ZNF480: variants seen among roughly 807,000 people sequenced by gnomAD.
ZNF480 encodes zinc finger protein 480.
Under a neutral mutation model 14.4 loss-of-function variants are expected in ZNF480, and 15 were observed. The observed-to-expected ratio is 1.04, with a 90% CI of 0.70 to 1.60. The LOEUF is 1.60. Ranked by LOEUF, ZNF480 falls within the 40% of genes most tolerant of loss-of-function variation. ZNF480 has a pLI of 0.00. For synonymous variants in ZNF480, 218 were observed against 215.5 expected (o/e 1.01, Z -0.10); for missense variants, 593 against 629.7 (o/e 0.94, Z 0.62).
chr19:52,307,231 A>G (rs183739409), intron 2 of ZNF480, among the ~76,000 whole-genome samples: 5 of 152,276 alleles, frequency 3.3e-5, no homozygotes, highest in Admixed American at 2.0e-4. Context: ...ACCAGGGGCA[A>G]TATTTCTCTA....
At chr19:52,314,473 CAAAAAAA>C (rs34349660) in intron 3 of ZNF480, among the ~76,000 whole-genome samples, 194 bp downstream of exon 3, 24 of 66,208 alleles carry the variant, frequency 3.6e-4, no homozygotes, top group African/African-American at 9.7e-4. Context: ...AACTCCGTCC[CAAAAAAA>C]AAAAAAAAAA....
Position 52,321,571 on chromosome 19 carries a change from T to C in ZNF480, c.329-8T>C. 6.4e-7 allele frequency: 1 copy of C among 1,554,106 alleles called. No individual in the cohort carries two copies. Among genetic ancestry groups the C allele is most frequent in the Non-Finnish European group, 8.7e-7 (1 of 1,152,580 alleles). On this transcript the variant is annotated splice_region_variant and splice_polypyrimidine_tract_variant and intron_variant, in intron 4 of 4. Transcript: ENST00000595962. ...GGTCTGAATTTTACTTTTTTCTTGC[T>C]TTCCTAGGGAGCAGCTATGCATTGG...
chr19:52,308,992 G>A (rs562744358), intron 2 of ZNF480, among the ~76,000 whole-genome samples: 61 of 152,248 alleles, frequency 4.0e-4, no homozygotes, highest in Admixed American at 6.5e-4. Context: ...ATGGGAGGGA[G>A]CCTTCCACCC....
In ZNF480 at chr19:52,319,756, G is replaced by A. The variant is rs191323848; in HGVS notation, c.329-1823G>A. Among the ~76,000 whole-genome samples the A allele has an allele frequency of 9.0e-4, 134 of 148,390 alleles. 1 individual carries two copies. The highest frequency in any genetic ancestry group is 2.0e-3 in the African/African-American group (81 of 40,274). On this transcript the variant is annotated intron_variant, in intron 4 of 4. Coordinates refer to ENST00000595962, the MANE Select transcript of ZNF480 (RefSeq NM_144684.4). ...GAGAGCATCCGAAAAATGTATTAGC[G>A]TTTATTTGCTTTTCTTCTCTGTTTT...
intron 4 of ZNF480, among the ~76,000 whole-genome samples, chr19:52,321,153 CAGAGGGAGATCT>C (rs1983790598): frequency 2.6e-5 from 4 of 151,944 alleles, no homozygotes; most frequent in Admixed American, 6.6e-5. Flanking sequence ...AAGACTTGGT[CAGAGGGAGATCT>C]TTTCTAATTA....
chr19:52,298,215 G>C (rs72483956), intron 1 of ZNF480, among the ~76,000 whole-genome samples: 2,770 of 152,136 alleles, frequency 0.018, 36 homozygotes, highest in East Asian at 0.044. Context: ...TGGTGACAAC[G>C]AGAGCAGAGG....
Position 52,322,550 on chromosome 19 carries a change from A to T in ZNF480, c.1300A>T (p.Lys434Ter), listed in dbSNP as rs144359391. Residue 434 changes from lysine (K) to a stop codon, truncating the protein, a stop_gained, in exon 5 of 5, where the codon AAA (lysine) becomes TAA (stop). Transcript: ENST00000595962. LOFTEE classifies it low-confidence loss of function (END_TRUNC). The part of the protein sequence containing the change: ...EKPYKCNECG[K>*]AFSEYSGLSA... ...GCCTTACAAATGTAATGAATGTGGT[A>T]AAGCATTTAGTGAGTATTCAGGCCT... 11 of 1,614,060 alleles carry T rather than the reference A, an allele frequency of 6.8e-6. No individual in the cohort carries two copies. The highest frequency in any genetic ancestry group is 8.5e-6 in the Non-Finnish European group (10 of 1,180,022).
intron 2 of ZNF480, among the ~76,000 whole-genome samples, chr19:52,303,966 G>A (rs1834720825): frequency 6.6e-6 from 1 of 152,196 alleles, no homozygotes. Context: ...AAACTGGCAT[G>A]AGAAATCGAA....
chr19:52,317,134 C>T (rs1201082335), intron 4 of ZNF480, among the ~76,000 whole-genome samples: 2 of 152,052 alleles, frequency 1.3e-5, no homozygotes, highest in Non-Finnish European at 2.9e-5. Flanking sequence ...TCTCCTGCCT[C>T]AGCCTCCCAA....
rs540157455 is a variant in ZNF480 at position 52,308,938 on chromosome 19, A to G, written c.73-5215A>G. Among the ~76,000 whole-genome samples, 20 of 152,282 alleles carry G rather than the reference A, an allele frequency of 1.3e-4. No individual in the cohort carries two copies. The South Asian group carries it at 3.9e-3, about 30-fold the overall frequency. Reference sequence around the variant, plus strand: ...TACAGGTTAGGCCATCAAATACAAAACATTCCCTGTCCTAAATGTCTATGT... The same window carrying G: ...TACAGGTTAGGCCATCAAATACAAAGCATTCCCTGTCCTAAATGTCTATGT... On this transcript the variant is annotated intron_variant, in intron 2 of 4. Transcript: ENST00000595962.
intron 2 of ZNF480, among the ~76,000 whole-genome samples, chr19:52,305,696 C>T (rs1198676518): frequency 1.3e-5 from 2 of 152,130 alleles, no homozygotes; most frequent in African/African-American, 2.4e-5. Context: ...AGGCAGAAAG[C>T]TCACAGGTTT....
chr19:52,322,039 C>G lies in ZNF480; in HGVS notation c.789C>G (p.Val263=). Residue 263 remains valine (V), a synonymous_variant, in exon 5 of 5, where the codon GTC becomes GTG. Transcript: ENST00000595962. ...HTGEKPYKCN[V]CGKVFSYNSN... ...GAGAGAAACCTTACAAATGTAATGT[C>G]TGTGGCAAGGTTTTTAGTTACAATT... is the stretch of plus-strand genomic sequence containing the variant. 1 of 1,612,470 alleles carries G rather than the reference C, an allele frequency of 6.2e-7. No individual in the cohort carries two copies. Among genetic ancestry groups the G allele is most frequent in the Non-Finnish European group, 8.5e-7 (1 of 1,179,518 alleles).
rs1983957773 is a variant in ZNF480, at chr19:52,323,692, C to G, written c.*834C>G. ...TTTATCACATACACAGAACTAAAAA[C>G]AAAAACCACATGACCATGATCATCT... On this transcript the variant is annotated 3_prime_UTR_variant, in exon 5 of 5. Coordinates refer to ENST00000595962, the MANE Select transcript of ZNF480 (RefSeq NM_144684.4). The G allele has an allele frequency of 1.3e-5, 2 of 152,120 alleles. No individual in the cohort carries two copies. Among genetic ancestry groups the G allele is most frequent in the South Asian group, 4.1e-4 (2 of 4,834 alleles). The allele number at this position is 152,120 out of a possible 1,614,324, so 9.4% of individuals were successfully genotyped here.
At chr19:52,305,568 C>T (rs980945138) in intron 2 of ZNF480, among the ~76,000 whole-genome samples, 3 of 152,218 alleles carry the variant, frequency 2.0e-5, no homozygotes, top group African/African-American at 7.2e-5. Flanking sequence ...ATCAATGACT[C>T]CTGCATGTAC....
At chr19:52,298,555 C>T (rs1449394266) in intron 1 of ZNF480, among the ~76,000 whole-genome samples, 1 of 151,552 alleles carries the variant, frequency 6.6e-6, no homozygotes, top group Non-Finnish European at 1.5e-5. Context: ...TGCTTGAACC[C>T]GGGAGGCGGA....
At chr19:52,306,354 C>T (rs1211470124) in intron 2 of ZNF480, among the ~76,000 whole-genome samples, 5 of 152,086 alleles carry the variant, frequency 3.3e-5, no homozygotes, top group African/African-American at 4.8e-5. Context: ...ATTTTTTTCC[C>T]AAGCTCTAAT....
chr19:52,309,698 C>T (rs1300375254), intron 2 of ZNF480, among the ~76,000 whole-genome samples: 2 of 152,234 alleles, frequency 1.3e-5, no homozygotes, highest in East Asian at 1.9e-4. Context: ...TTTTCACACT[C>T]AGCTCCCAGT....
chr19:52,323,102 A>C lies in ZNF480; in HGVS notation c.*244A>C. The C allele has an allele frequency of 2.8e-6, 1 of 356,292 alleles. No homozygotes were observed. The allele number at this position is 356,292 out of a possible 1,614,324, so 22.1% of individuals were successfully genotyped here. The stretch of plus-strand genomic sequence containing the variant: ...TGCAAAAGGAGATCTAAAAAACACA[A>C]TCAGAAATGACAAAGGGGACATTAC... On this transcript the variant is annotated 3_prime_UTR_variant, in exon 5 of 5. Transcript: ENST00000595962.
intron 4 of ZNF480, among the ~76,000 whole-genome samples, chr19:52,320,400 C>T (rs535211857): frequency 8.5e-4 from 129 of 152,252 alleles, no homozygotes; most frequent in Middle Eastern, 3.4e-3. Flanking sequence ...TGCCTGTAAT[C>T]CCAACACTTT....
Sources: allele counts gnomAD v4.1 joint callset (sites outside exome capture counted in the v4.1 genomes callset), GRCh38; gene constraint gnomAD v4.1.1; transcripts MANE v1.5; gene names NCBI Gene and HGNC (gene_info 2026-07-23, HGNC 2026-07-21).